The following DACH2 variants were observed in gnomAD, a reference collection of about 807,000 sequenced individuals.
DACH2 encodes the protein dachshund family transcription factor 2, also known as dachshund homolog 2.
DACH2 carries 17 observed loss-of-function variants against 35.8 expected under a neutral mutation model. The observed-to-expected ratio is 0.48, with a 90% CI of 0.33 to 0.71. DACH2 has a LOEUF of 0.71. Among genes scored for constraint, DACH2 ranks in the 30% least tolerant of loss-of-function variants. The pLI is 0.02. For missense variants in DACH2, 469 were observed against 472.7 expected (o/e 0.99, Z 0.07); for synonymous variants, 195 against 177.3 (o/e 1.10, Z -0.79).
intron 1 of DACH2, among the ~76,000 whole-genome samples, chrX:86,317,247 GTGT>G (rs940596129): frequency 9.0e-6 from 1 of 111,553 alleles, no homozygotes; most frequent in Non-Finnish European, 1.9e-5. Context: ...TAGATGGTTT[GTGT>G]TGTTGTAAGT....
chrX:86,607,882 A>T (rs1184862085), intron 3 of DACH2, among the ~76,000 whole-genome samples: 3 of 106,618 alleles, frequency 2.8e-5, no homozygotes, highest in Non-Finnish European at 5.8e-5. Flanking sequence ...ACTGAGAATG[A>T]TGATTTCCAA....
At chrX:86,485,773 T>C (rs1409719082) in intron 2 of DACH2, among the ~76,000 whole-genome samples, 1 of 111,803 alleles carries the variant, frequency 8.9e-6, no homozygotes, top group Non-Finnish European at 1.9e-5. Flanking sequence ...TAACTGTTTT[T>C]CCCACATATT....
chrX:86,472,738 A>G (rs771861868), intron 2 of DACH2, among the ~76,000 whole-genome samples: 2 of 112,102 alleles, frequency 1.8e-5, no homozygotes, highest in African/African-American at 6.5e-5. Flanking sequence ...TTTCTTGATG[A>G]TAATTCAATT....
chrX:86,272,226 G>GTGTGTA (rs1556008363), intron 1 of DACH2, among the ~76,000 whole-genome samples: 84 of 110,038 alleles, frequency 7.6e-4, no homozygotes, highest in African/African-American at 2.6e-3. Flanking sequence ...GTGTGTGTGT[G>GTGTGTA]TATATCACAT....
chrX:86,339,024 CAAATCCCTGAA>C (rs2035368198), intron 1 of DACH2, among the ~76,000 whole-genome samples: 4 of 111,554 alleles, frequency 3.6e-5, no homozygotes, highest in Admixed American at 1.9e-4. Flanking sequence ...AGGAAGAAGT[CAAATCCCTGAA>C]TAGACCAATA....
At chrX:86,282,068 T>C (rs1365322481) in intron 1 of DACH2, among the ~76,000 whole-genome samples, 1 of 112,233 alleles carries the variant, frequency 8.9e-6, no homozygotes, top group South Asian at 3.7e-4. Flanking sequence ...GAAAATAGCC[T>C]TACTGGCCAA....
intron 1 of DACH2, among the ~76,000 whole-genome samples, chrX:86,234,702 C>T (rs927542017): frequency 4.6e-5 from 5 of 109,169 alleles, no homozygotes; most frequent in Admixed American, 3.9e-4. Context: ...CAACTTCTTC[C>T]TTCCCGACTC....
intron 7 of DACH2, among the ~76,000 whole-genome samples, chrX:86,741,409 T>C (rs1433643886): frequency 1.8e-5 from 2 of 111,822 alleles, no homozygotes; most frequent in African/African-American, 6.5e-5. Context: ...TTTGATTCAC[T>C]TGGTCTGGAA....
chrX:86,312,224 A>T (rs1030527734), intron 1 of DACH2, among the ~76,000 whole-genome samples: 1 of 111,926 alleles, frequency 8.9e-6, no homozygotes, highest in Admixed American at 9.5e-5. Flanking sequence ...AAATATTTTG[A>T]TTTTTTTCCT....
chrX:86,663,029 A>G (rs919010944), intron 4 of DACH2, among the ~76,000 whole-genome samples: 3 of 112,127 alleles, frequency 2.7e-5, no homozygotes, highest in African/African-American at 9.7e-5. Flanking sequence ...AATAAAATAT[A>G]AAGTGAAATA....
intron 3 of DACH2, among the ~76,000 whole-genome samples, chrX:86,569,130 G>A (rs1015139360): frequency 3.6e-5 from 4 of 111,344 alleles, no homozygotes; most frequent in African/African-American, 1.3e-4. Flanking sequence ...TCAGGGCTTT[G>A]ATATCAGTCA....
At chrX:86,761,065 A>G (rs1440890539) in intron 7 of DACH2, among the ~76,000 whole-genome samples, 1 of 111,364 alleles carries the variant, frequency 9.0e-6, no homozygotes, top group Non-Finnish European at 1.9e-5. Flanking sequence ...TCTGGGATAC[A>G]TGTGCTGAAC....
chrX:86,695,733 G>C (rs2041061304), intron 5 of DACH2, among the ~76,000 whole-genome samples: 1 of 109,626 alleles, frequency 9.1e-6, no homozygotes, highest in Admixed American at 9.8e-5. Context: ...GGCTGGTCTT[G>C]AACTCCTAAC....
chrX:86,796,810 A>G (rs905052402), intron 7 of DACH2, among the ~76,000 whole-genome samples: 2 of 111,800 alleles, frequency 1.8e-5, no homozygotes, highest in African/African-American at 3.3e-5. Context: ...CTCTGAGTAC[A>G]ATAGTCACAC....
At chrX:86,811,640 C>G (rs976305459) in intron 7 of DACH2, among the ~76,000 whole-genome samples, 2 of 111,546 alleles carry the variant, frequency 1.8e-5, no homozygotes, top group African/African-American at 6.5e-5. Flanking sequence ...TGCTATGATT[C>G]ACCCCATCAT....
rs1329400086 is a variant in DACH2, at chrX:86,667,533, GA to G, written c.772+16369del. Among the ~76,000 whole-genome samples the G allele has an allele frequency of 5.0e-3, 300 of 60,022 alleles. 2 individuals are homozygous for G. Among genetic ancestry groups the G allele is most frequent in the Admixed American group, 5.7e-3 (29 of 5,130 alleles). 52.1% of individuals were successfully genotyped at this position (60,022 alleles called of 115,157 possible). A position where few individuals can be genotyped will look rare whatever the true frequency, so the allele number is the denominator to read the frequency against. On this transcript the variant is annotated intron_variant, in intron 4 of 11. Transcript: ENST00000373125. ...AGAAAGAAAGAAAGAAAGAAAGAAA[GA>G]AAGAAAGAAAGAAGAAAGAAAGAAA... is the stretch of plus-strand genomic sequence containing the variant.
chrX:86,340,174 C>A (rs1233835002), intron 1 of DACH2, among the ~76,000 whole-genome samples: 1 of 111,538 alleles, frequency 9.0e-6, no homozygotes, highest in Non-Finnish European at 1.9e-5. Context: ...TACTTTATTG[C>A]ACTTAGTTGA....
chrX:86,301,608 A>T (rs1197904140), intron 1 of DACH2, among the ~76,000 whole-genome samples: 2 of 111,652 alleles, frequency 1.8e-5, no homozygotes, highest in African/African-American at 6.5e-5. Flanking sequence ...CTGAGGTCAG[A>T]GATGTTTGGA....
intron 5 of DACH2, among the ~76,000 whole-genome samples, chrX:86,704,409 G>A (rs1344167928): frequency 5.4e-5 from 6 of 110,669 alleles, no homozygotes; most frequent in East Asian, 2.8e-4. Flanking sequence ...GATTAAGACC[G>A]AAAAAGCAAA....
Sources: gnomAD v4.1 joint callset for allele counts (sites outside exome capture counted in the v4.1 genomes callset) on GRCh38, gnomAD v4.1.1 for gene constraint, MANE v1.5 for transcripts, NCBI Gene and HGNC (gene_info 2026-07-23, HGNC 2026-07-21) for gene names.